KALRN: variants seen among roughly 807,000 people sequenced by gnomAD.
KALRN encodes the protein kalirin RhoGEF kinase.
Under a neutral mutation model 353.7 loss-of-function variants are expected in KALRN, and 70 were observed. The ratio of observed to expected loss-of-function variants is 0.20; its 90% CI spans 0.16 to 0.24. KALRN has a LOEUF of 0.24. Among genes scored for constraint, KALRN ranks in the 10% least tolerant of loss-of-function variants. The probability of loss-of-function intolerance (pLI) is 1.00; values close to 1 mark genes in which losing one functional copy is unlikely to be tolerated. For synonymous variants in KALRN, 1,391 were observed against 1,434.8 expected, an observed-to-expected ratio of 0.97 and a Z score of 0.69; for missense variants, 2,791 against 3,756.7, an observed-to-expected ratio of 0.74 and a Z score of 6.72.
At chr3:124,121,111 A>G (rs995629081) in intron 1 of KALRN, among the ~76,000 whole-genome samples, 2 of 151,336 alleles carry the variant, frequency 1.3e-5, no homozygotes, top group East Asian at 1.9e-4. Context: ...AAAAAAAAAA[A>G]AAAGAAATCA....
At chr3:124,140,800 G>T (rs1227562484) in intron 1 of KALRN, among the ~76,000 whole-genome samples, 1 of 152,152 alleles carries the variant, frequency 6.6e-6, no homozygotes, top group African/African-American at 2.4e-5. Flanking sequence ...CTCCCGGGGG[G>T]GGCACAGGGA....
In KALRN at chr3:124,268,851, C is replaced by T. The variant is rs749782159; in HGVS notation, c.565C>T (p.Arg189Trp). ...DYNHEEWIELRLSLEEFFNSA... is the reference protein window; with the variant it reads ...DYNHEEWIELWLSLEEFFNSA... ...CAACCATGAGGAGTGGATCGAACTGCGGCTCTCCCTGGAGGAGTTCTTCAA... is the reference window on the plus strand; with the variant it reads ...CAACCATGAGGAGTGGATCGAACTGTGGCTCTCCCTGGAGGAGTTCTTCAA... The change falls in exon 5 of 60, where the codon CGG becomes TGG. Residue 189 changes from arginine to tryptophan, a missense_variant. Arg to Trp is a moderately radical substitution (Grantham distance 101). Transcript: ENST00000682506. 1 of 1,614,108 alleles carries T rather than the reference C, an allele frequency of 6.2e-7. No homozygotes were observed. Among genetic ancestry groups the T allele is most frequent in the Non-Finnish European group, 8.5e-7 (1 of 1,180,024 alleles).
At chr3:124,565,270 C>G (rs139713685) in intron 34 of KALRN, among the ~76,000 whole-genome samples, 260 of 152,298 alleles carry the variant, frequency 1.7e-3, no homozygotes, top group Middle Eastern at 3.4e-3. Context: ...TGCTTTCCCC[C>G]CTGTCCTCTG....
At chr3:124,395,383 G>A (rs777492536) in intron 12 of KALRN, 40 bp downstream of exon 12, 11 of 1,535,764 alleles carry the variant, frequency 7.2e-6, no homozygotes, top group Non-Finnish European at 8.0e-6. Flanking sequence ...AATGCCTCGG[G>A]CTAGACGTGA....
intron 27 of KALRN, among the ~76,000 whole-genome samples, 162 bp downstream of exon 27, chr3:124,477,496 GTAT>G: frequency 6.6e-6 from 1 of 152,168 alleles, no homozygotes; most frequent in East Asian, 1.9e-4. Flanking sequence ...GTATATGTCT[GTAT>G]TTTGTTTTAT....
intron 6 of KALRN, among the ~76,000 whole-genome samples, chr3:124,322,848 G>T (rs2079485645): frequency 6.6e-6 from 1 of 152,130 alleles, no homozygotes; most frequent in African/African-American, 2.4e-5. Context: ...GAATCTATCT[G>T]CCCATTTCTC....
chr3:124,417,110 T>C (rs1448532581), intron 14 of KALRN, among the ~76,000 whole-genome samples: 2 of 152,236 alleles, frequency 1.3e-5, no homozygotes, highest in Non-Finnish European at 2.9e-5. Context: ...ATTTGCTCAT[T>C]GTTCTTTCCT....
At chr3:124,593,703 C>G (rs1561368940) in intron 34 of KALRN, among the ~76,000 whole-genome samples, 1 of 152,170 alleles carries the variant, frequency 6.6e-6, no homozygotes. Flanking sequence ...TTGCTATTTG[C>G]TTTCACAGGG....
intron 1 of KALRN, among the ~76,000 whole-genome samples, chr3:124,181,074 T>TACAAAAAAAAA (rs2073510570): frequency 4.1e-5 from 1 of 24,548 alleles, no homozygotes; most frequent in Non-Finnish European, 8.5e-5. Context: ...CTACTAAAAA[T>TACAAAAAAAAA]ACAAAAAAAA....
chr3:124,411,069 A>G (rs1003502984), intron 13 of KALRN, among the ~76,000 whole-genome samples: 1 of 152,338 alleles, frequency 6.6e-6, no homozygotes, highest in Admixed American at 6.5e-5. Flanking sequence ...TCTTGATACA[A>G]CATGTTGAAC....
chr3:124,337,001 C>T (rs1217892312), intron 9 of KALRN, among the ~76,000 whole-genome samples: 1 of 152,088 alleles, frequency 6.6e-6, no homozygotes, highest in Non-Finnish European at 1.5e-5. Flanking sequence ...AAATCAATTG[C>T]ATTGATTTTG....
intron 1 of KALRN, among the ~76,000 whole-genome samples, chr3:124,135,536 T>A (rs903665479): frequency 2.0e-5 from 3 of 152,096 alleles, no homozygotes; most frequent in African/African-American, 7.2e-5. Context: ...AAATAAAATT[T>A]AAAAAATAGG....
Position 124,398,710 on chromosome 3 carries a change from T to A in KALRN, c.2185T>A (p.Ser729Thr), listed in dbSNP as rs61745397. 6,269 of 1,614,082 alleles carry A rather than the reference T, an allele frequency of 3.9e-3. 12 individuals carry two copies. Among genetic ancestry groups the A allele is most frequent in the Non-Finnish European group, 4.6e-3 (5,428 of 1,180,016 alleles). The stretch of plus-strand genomic sequence containing the variant: ...ACTCTGCCACAGGGACTCGGCTGTG[T>A]CCAACAACAAAACACCCCACAGCAG... Reference protein sequence around the residue: ...EPSEARDSAVSNNKTPHSSSI... With the variant: ...EPSEARDSAVTNNKTPHSSSI... The change falls in exon 13 of 60, where the codon TCC becomes ACC. Residue 729 changes from serine to threonine, a missense_variant. Around this residue, in one of 11 missense-constraint regions of KALRN, gnomAD observed 452 missense variants for 575.8 expected, o/e 0.78. Coordinates refer to ENST00000682506, the MANE Select transcript of KALRN (RefSeq NM_001388419.1).
intron 57 of KALRN, among the ~76,000 whole-genome samples, chr3:124,704,020 A>G (rs1225496774): frequency 6.6e-6 from 1 of 152,142 alleles, no homozygotes; most frequent in East Asian, 1.9e-4. Context: ...GAGGTTAAGT[A>G]ACTTTCTTAA....
rs1560463693 is a variant in KALRN at position 124,286,140 on chromosome 3, C to CT, written c.970-12648dup. ...CTTTCTTTCTTTCTTTCTTTCTTTCCTTTCTTTCTTTCCTTTCTTTCGTCT... is the reference window on the plus strand; with the variant it reads ...CTTTCTTTCTTTCTTTCTTTCTTTCCTTTTCTTTCTTTCCTTTCTTTCGTCT... On this transcript the variant is annotated intron_variant, in intron 5 of 59. Transcript: ENST00000682506. 1.1e-4 allele frequency among the ~76,000 whole-genome samples: 3 copies of CT among 26,854 alleles called. No individual in the cohort carries two copies. In the East Asian group the frequency reaches 3.3e-3, roughly 30 times the overall value. 17.6% of individuals were successfully genotyped at this position (26,854 alleles called of 152,430 possible).
rs888609570 is a variant in KALRN at position 124,712,875 on chromosome 3, G to T, written c.8076-60G>T. The T allele has an allele frequency of 2.4e-6, 3 of 1,244,196 alleles. No individual in the cohort carries two copies. In the African/African-American group the frequency reaches 4.5e-5, roughly 19 times the overall value. The allele number at this position is 1,244,196 out of a possible 1,614,324, so 77.1% of individuals were successfully genotyped here. On this transcript the variant is annotated intron_variant, in intron 57 of 59. Coordinates refer to ENST00000682506, the MANE Select transcript of KALRN (RefSeq NM_001388419.1). ...TTCCCACAAAACTTTACTTATCCATGAATAAAATATATCTAGTTAATTAAT... is the reference window on the plus strand; with the variant it reads ...TTCCCACAAAACTTTACTTATCCATTAATAAAATATATCTAGTTAATTAAT...
rs947471214 is a variant in KALRN at position 124,720,752 on chromosome 3, G to C, written c.*1282G>C. The C allele has an allele frequency of 1.8e-4, 28 of 152,148 alleles. No individual in the cohort carries two copies. Among genetic ancestry groups the C allele is most frequent in the African/African-American group, 6.8e-4 (28 of 41,400 alleles). 9.4% of individuals were successfully genotyped at this position (152,148 alleles called of 1,614,324 possible). A position where few individuals can be genotyped will look rare whatever the true frequency, so the allele number is the denominator to read the frequency against. Reference sequence around the variant, plus strand: ...TTTCTGGTGTATATTCTCCATACAAGATTATTATTAACTGCTCTTTTTCCC... The same window carrying C: ...TTTCTGGTGTATATTCTCCATACAACATTATTATTAACTGCTCTTTTTCCC... On this transcript the variant is annotated 3_prime_UTR_variant, in exon 60 of 60. Transcript: ENST00000682506.
At chr3:124,521,635 CAG>C (rs1034694075) in intron 33 of KALRN, among the ~76,000 whole-genome samples, 45 of 151,996 alleles carry the variant, frequency 3.0e-4, no homozygotes, top group African/African-American at 1.1e-3. Context: ...TAGAAAAAAA[CAG>C]AGAGTATTTT....
intron 33 of KALRN, among the ~76,000 whole-genome samples, chr3:124,549,728 T>G (rs2070231795): frequency 1.3e-5 from 2 of 152,000 alleles, no homozygotes; most frequent in African/African-American, 4.8e-5. Context: ...TAGAAATCAC[T>G]GTGAAAGAAT....
Sources: allele counts gnomAD v4.1 joint callset (sites outside exome capture counted in the v4.1 genomes callset), GRCh38; gene constraint gnomAD v4.1.1; regional missense constraint gnomAD v4.1.1; transcripts MANE v1.5; gene names NCBI Gene and HGNC (gene_info 2026-07-23, HGNC 2026-07-21).